The following TLK1 variants were observed in gnomAD, a reference collection of about 807,000 sequenced individuals.
The protein encoded by TLK1 is serine/threonine-protein kinase tousled-like 1.
Under a neutral mutation model 105.3 loss-of-function variants are expected in TLK1, and 24 were observed. The observed-to-expected ratio is 0.23, with a 90% CI of 0.17 to 0.32. The LOEUF is 0.32. Among genes scored for constraint, TLK1 ranks in the 10% least tolerant of loss-of-function variants. The pLI, the probability that TLK1 is intolerant of heterozygous loss-of-function variation, is 1.00. For synonymous variants in TLK1, 321 were observed against 310.4 expected (o/e 1.03, Z -0.36); for missense variants, 558 against 910.5 (o/e 0.61, Z 4.98).
intron 1 of TLK1, among the ~76,000 whole-genome samples, chr2:171,184,411 G>A (rs978794777): frequency 1.3e-5 from 2 of 152,136 alleles, no homozygotes; most frequent in Non-Finnish European, 2.9e-5. Context: ...GGGAGGCCAA[G>A]GCAGGCAGAT....
At chr2:171,150,290 T>C (rs1691979913) in intron 1 of TLK1, among the ~76,000 whole-genome samples, 1 of 152,292 alleles carries the variant, frequency 6.6e-6, no homozygotes, top group East Asian at 1.9e-4. Context: ...GAAAATCTAG[T>C]ATTTAAAAAA....
intron 1 of TLK1, among the ~76,000 whole-genome samples, chr2:171,230,038 A>G (rs1309766951): frequency 6.6e-6 from 1 of 151,990 alleles, no homozygotes; most frequent in East Asian, 1.9e-4. Context: ...TAAAAAAAAA[A>G]GACTAATAAA....
At chr2:171,121,329 C>G (rs558315736) in intron 1 of TLK1, among the ~76,000 whole-genome samples, 1 of 152,224 alleles carries the variant, frequency 6.6e-6, no homozygotes, top group Non-Finnish European at 1.5e-5. Flanking sequence ...TCCAGGAGTT[C>G]AAGATCAGCC....
At chr2:171,157,476 G>C (rs1164217683) in intron 1 of TLK1, among the ~76,000 whole-genome samples, 1 of 152,132 alleles carries the variant, frequency 6.6e-6, no homozygotes, top group Non-Finnish European at 1.5e-5. Flanking sequence ...AGAACCACAA[G>C]ACTGACAAGC....
intron 2 of TLK1, among the ~76,000 whole-genome samples, chr2:171,093,450 C>A (rs80120269): frequency 6.6e-6 from 1 of 151,980 alleles, no homozygotes; most frequent in Non-Finnish European, 1.5e-5. Flanking sequence ...AAAGAAAGGG[C>A]ATATGGGCAT....
intron 1 of TLK1, among the ~76,000 whole-genome samples, chr2:171,170,043 G>A (rs747309900): frequency 9.3e-5 from 14 of 150,700 alleles, no homozygotes; most frequent in Admixed American, 6.6e-4. Flanking sequence ...TGAAAAGAAA[G>A]GCATAAAAAC....
chr2:171,221,022 C>T (rs115995133), intron 1 of TLK1, among the ~76,000 whole-genome samples: 172 of 152,146 alleles, frequency 1.1e-3, no homozygotes, highest in African/African-American at 4.0e-3. Context: ...CCTGTCTCTA[C>T]AAAAAATTTA....
chr2:171,028,226 T>C (rs1367471799), intron 12 of TLK1, 113 bp downstream of exon 12: 3 of 723,882 alleles, frequency 4.1e-6, no homozygotes, highest in Non-Finnish European at 7.2e-6. Context: ...AAATTTTTAA[T>C]TTGAAATCTT....
chr2:171,196,099 G>A (rs1187231727), intron 1 of TLK1, among the ~76,000 whole-genome samples: 1 of 147,344 alleles, frequency 6.8e-6, no homozygotes, highest in African/African-American at 2.5e-5. Context: ...AAGGAAGGAA[G>A]GAAGGGAGGG....
chr2:171,121,742 G>C (rs1278833451), intron 1 of TLK1, among the ~76,000 whole-genome samples: 1 of 152,076 alleles, frequency 6.6e-6, no homozygotes, highest in African/African-American at 2.4e-5. Context: ...GAAGATGAGG[G>C]CATGGGGCCC....
At chr2:171,119,923 T>G (rs1174958868) in intron 1 of TLK1, among the ~76,000 whole-genome samples, 1 of 152,140 alleles carries the variant, frequency 6.6e-6, no homozygotes, top group Non-Finnish European at 1.5e-5. Context: ...AATGGTTTCT[T>G]TGATCTAACA....
chr2:171,033,538 T>A (rs1267679476), intron 11 of TLK1, among the ~76,000 whole-genome samples: 1 of 148,646 alleles, frequency 6.7e-6, no homozygotes, highest in Non-Finnish European at 1.5e-5. Flanking sequence ...CAAAAATATA[T>A]TGTACATTTA....
chr2:171,205,970 T>C (rs1693498220), intron 1 of TLK1, among the ~76,000 whole-genome samples: 2 of 152,242 alleles, frequency 1.3e-5, no homozygotes, highest in African/African-American at 2.4e-5. Flanking sequence ...CCATATTTTT[T>C]TCCAATGCAA....
chr2:171,064,743 A>G (rs77206024), intron 3 of TLK1, among the ~76,000 whole-genome samples: 4,857 of 152,290 alleles, frequency 0.032, 252 homozygotes, highest in African/African-American at 0.11. Context: ...GAAAGGAGAG[A>G]CTAGTACACT....
intron 11 of TLK1, 173 bp downstream of exon 11, chr2:171,046,001 T>C: frequency 3.8e-6 from 2 of 521,496 alleles, no homozygotes; most frequent in Non-Finnish European, 6.3e-6. Flanking sequence ...CTTAAAACGG[T>C]AGAATTCAGA....
At chr2:171,018,671 G>C (rs1312531874) in intron 12 of TLK1, among the ~76,000 whole-genome samples, 1 of 152,188 alleles carries the variant, frequency 6.6e-6, no homozygotes, top group Non-Finnish European at 1.5e-5. Flanking sequence ...TAGGCCAGAC[G>C]AGTAGACTGA....
At chr2:171,192,886 A>G (rs1458518510) in intron 1 of TLK1, among the ~76,000 whole-genome samples, 1 of 152,196 alleles carries the variant, frequency 6.6e-6, no homozygotes, top group Non-Finnish European at 1.5e-5. Context: ...AGAGAGGATT[A>G]TTCTGGAAAA....
At chr2:170,995,359 CAT>C (rs1211359183) in intron 20 of TLK1, among the ~76,000 whole-genome samples, 1 of 151,732 alleles carries the variant, frequency 6.6e-6, no homozygotes, top group East Asian at 1.9e-4. Flanking sequence ...AAATTTATAT[CAT>C]ATAATTGTAT....
intron 1 of TLK1, among the ~76,000 whole-genome samples, chr2:171,174,052 C>CT (rs1198498754): frequency 6.6e-6 from 1 of 152,132 alleles, no homozygotes; most frequent in East Asian, 1.9e-4. Flanking sequence ...TTAGTTCAAA[C>CT]TTTTATTATT....
Sources: gnomAD v4.1 joint callset for allele counts (sites outside exome capture counted in the v4.1 genomes callset) on GRCh38, gnomAD v4.1.1 for gene constraint, MANE v1.5 for transcripts, NCBI Gene and HGNC (gene_info 2026-07-23, HGNC 2026-07-21) for gene names.